SHC4: variants seen among roughly 807,000 people sequenced by gnomAD.
SHC4 encodes the protein SHC-transforming protein 4.
A neutral mutation model predicts 69.4 loss-of-function variants in SHC4; 41 were observed. The observed-to-expected ratio is 0.59, with a 90% CI of 0.46 to 0.77. The LOEUF (loss-of-function observed/expected upper bound fraction) is 0.77, where lower values mean the gene tolerates loss of function less well. SHC4 is among the 30% of genes least tolerant of loss of function. SHC4 has a pLI of 0.00. For synonymous variants in SHC4, 318 were observed against 299.3 expected, an observed-to-expected ratio of 1.06 and a Z score of -0.64; for missense variants, 777 against 783.8, an observed-to-expected ratio of 0.99 and a Z score of 0.10.
intron 9 of SHC4, among the ~76,000 whole-genome samples, chr15:48,844,316 C>G (rs1899048176): frequency 6.6e-6 from 1 of 152,180 alleles, no homozygotes; most frequent in African/African-American, 2.4e-5. Context: ...GGTCATATTT[C>G]TCAGAGGTTT....
intron 2 of SHC4, among the ~76,000 whole-genome samples, chr15:48,903,636 A>G (rs542771064): frequency 1.2e-4 from 19 of 152,336 alleles, no homozygotes; most frequent in African/African-American, 4.3e-4. Context: ...TCCCTTGCAC[A>G]TGCAGGCCTC....
intron 1 of SHC4, among the ~76,000 whole-genome samples, chr15:48,926,350 T>C (rs1162121291): frequency 2.6e-5 from 4 of 152,220 alleles, no homozygotes; most frequent in Non-Finnish European, 5.9e-5. Context: ...AGCTTTCCTT[T>C]GGAGGCTTTC....
Position 48,962,545 on chromosome 15 carries a change from G to A in SHC4, c.471C>T (p.Ala157=). 1 of 1,607,178 alleles carries A rather than the reference G, an allele frequency of 6.2e-7. No homozygotes were observed. The highest frequency in any genetic ancestry group is 1.7e-4 in the Middle Eastern group (1 of 6,012). The change falls in exon 1 of 12, where the codon GCC becomes GCT. Residue 157 remains alanine (A), a synonymous_variant. Coordinates refer to ENST00000332408, the MANE Select transcript of SHC4 (RefSeq NM_203349.4). ...GAAGCGGGCACGAATCAGGGGTTAG[G>A]GCGGTTGCCCTGTGTCCCACCAGGT... ...QQDLVGHRAT[A]LTPDSCPLPG...
intron 1 of SHC4, among the ~76,000 whole-genome samples, chr15:48,960,930 A>C (rs1423005267): frequency 6.6e-6 from 1 of 152,118 alleles, no homozygotes. Flanking sequence ...CAACCCCAAT[A>C]AACAACAATG....
intron 1 of SHC4, among the ~76,000 whole-genome samples, chr15:48,927,911 C>T (rs1199326525): frequency 6.6e-6 from 1 of 152,298 alleles, no homozygotes; most frequent in African/African-American, 2.4e-5. Flanking sequence ...TCTTTCTATT[C>T]CCTTGGCTAT....
At chr15:48,841,339 T>C (rs151177624) in intron 10 of SHC4, among the ~76,000 whole-genome samples, 27 of 152,326 alleles carry the variant, frequency 1.8e-4, no homozygotes, top group African/African-American at 6.3e-4. Flanking sequence ...CATTGCACAG[T>C]TGAGTAAGCT....
chr15:48,878,332 C>G (rs768064540), intron 4 of SHC4: 7 of 1,613,544 alleles, frequency 4.3e-6, no homozygotes, highest in Middle Eastern at 1.7e-4. Flanking sequence ...CCCAACAGCT[C>G]GAGGAGGAAG....
chr15:48,851,855 T>C (rs932790613), intron 8 of SHC4, among the ~76,000 whole-genome samples: 3 of 152,106 alleles, frequency 2.0e-5, no homozygotes, highest in African/African-American at 4.8e-5. Context: ...AGTCAGGAAA[T>C]GGTCTTTCAG....
At chr15:48,952,863 C>T (rs1406036421) in intron 1 of SHC4, among the ~76,000 whole-genome samples, 1 of 152,188 alleles carries the variant, frequency 6.6e-6, no homozygotes, top group East Asian at 1.9e-4. Flanking sequence ...TGTGGTAATT[C>T]TTCAAAGATC....
chr15:48,959,724 T>C (rs1035404187), intron 1 of SHC4, among the ~76,000 whole-genome samples: 3 of 152,258 alleles, frequency 2.0e-5, no homozygotes, highest in African/African-American at 4.8e-5. Context: ...CTCACAACTT[T>C]GGTTCATTTG....
At chr15:48,830,764 CA>C (rs1196604486) in intron 11 of SHC4, among the ~76,000 whole-genome samples, 2 of 152,072 alleles carry the variant, frequency 1.3e-5, no homozygotes, top group African/African-American at 2.4e-5. Flanking sequence ...TGCGTACGAG[CA>C]AATCTATGAT....
At chr15:48,935,067 A>G (rs942052339) in intron 1 of SHC4, among the ~76,000 whole-genome samples, 3 of 152,202 alleles carry the variant, frequency 2.0e-5, no homozygotes, top group African/African-American at 7.2e-5. Context: ...TGGGTGAATT[A>G]TATGGTATGT....
intron 2 of SHC4, among the ~76,000 whole-genome samples, chr15:48,902,410 C>T (rs1051133354): frequency 6.6e-6 from 1 of 152,034 alleles, no homozygotes. Context: ...TTGCATGGTA[C>T]CTAGTAGGCT....
intron 8 of SHC4, among the ~76,000 whole-genome samples, chr15:48,854,113 T>C (rs986640223): frequency 1.3e-5 from 2 of 152,062 alleles, no homozygotes; most frequent in African/African-American, 4.8e-5. Context: ...TATAAGAAAC[T>C]TAATTCAACA....
intron 2 of SHC4, among the ~76,000 whole-genome samples, chr15:48,892,687 GAT>G (rs1900156867): frequency 6.6e-6 from 1 of 151,822 alleles, no homozygotes; most frequent in South Asian, 2.1e-4. Context: ...GAGTGATTTG[GAT>G]GTTTTGGTCT....
intron 2 of SHC4, among the ~76,000 whole-genome samples, chr15:48,919,517 A>G (rs949219524): frequency 2.6e-5 from 4 of 151,298 alleles, no homozygotes; most frequent in Non-Finnish European, 5.9e-5. Context: ...TCAAACTCCA[A>G]GACTCAAATG....
Position 48,824,329 on chromosome 15 carries a change from A to G in SHC4, c.*1642T>C, listed in dbSNP as rs1444376257. 6.6e-6 allele frequency: 1 copy of G among 152,184 alleles called. No homozygotes were observed. The highest frequency in any genetic ancestry group is 1.9e-4 in the East Asian group (1 of 5,202). The allele number at this position is 152,184 out of a possible 1,614,324, so 9.4% of individuals were successfully genotyped here. A position where few individuals can be genotyped will look rare whatever the true frequency, so the allele number is the denominator to read the frequency against. On this transcript the variant is annotated 3_prime_UTR_variant, in exon 12 of 12. Transcript: ENST00000332408. The stretch of plus-strand genomic sequence containing the variant: ...AAAGAAGTTTTATTTAAAACTTAGC[A>G]AATATATCACAATCACAAAGACTAA...
At position 48,851,207 on chromosome 15, in the gene SHC4, T is replaced by C. The variant is rs141507318; in HGVS notation, c.1284A>G (p.Leu428=). 8.7e-6 allele frequency: 14 copies of C among 1,613,992 alleles called. No individual in the cohort carries two copies. The highest frequency in any genetic ancestry group is 1.1e-5 in the Non-Finnish European group (13 of 1,179,976). The change falls in exon 9 of 12, where the codon TTA becomes TTG. Residue 428 remains leucine (L), a synonymous_variant. Coordinates refer to ENST00000332408, the MANE Select transcript of SHC4 (RefSeq NM_203349.4). ...SKCSSVYENC[L]EQSRAIGNVH... The stretch of plus-strand genomic sequence containing the variant: ...ACCTACCTATTGCCCTGCTTTGTTC[T>C]AAACAGTTCTCATATACACTGCTGC...
At chr15:48,924,826 ATTGTGACT>A in intron 2 of SHC4, 45 bp downstream of exon 2, 1 of 1,569,962 alleles carries the variant, frequency 6.4e-7, no homozygotes, top group Non-Finnish European at 8.8e-7. Context: ...GGGAGAAATT[ATTGTGACT>A]TTAAACCATA....
Sources: gnomAD v4.1 joint callset for allele counts (sites outside exome capture counted in the v4.1 genomes callset) on GRCh38, gnomAD v4.1.1 for gene constraint, MANE v1.5 for transcripts, NCBI Gene and HGNC (gene_info 2026-07-23, HGNC 2026-07-21) for gene names.